Variants in NLRC3 observed in about 807,000 individuals in gnomAD.
The protein encoded by NLRC3 is NLR family CARD domain containing 3.
Under a neutral mutation model 91.6 loss-of-function variants are expected in NLRC3, and 87 were observed. The ratio of observed to expected loss-of-function variants is 0.95; its 90% CI spans 0.80 to 1.14. NLRC3 has a LOEUF of 1.14. Ranked by LOEUF, NLRC3 falls within the 50% of genes most tolerant of loss-of-function variation. NLRC3 has a pLI of 0.00. For synonymous variants in NLRC3, 694 were observed against 625.3 expected (o/e 1.11, Z -1.64); for missense variants, 1,577 against 1,418.6 (o/e 1.11, Z -1.79).
chr16:3,547,624 ATATATGTGTGTG>A (rs2038762774), intron 15 of NLRC3, among the ~76,000 whole-genome samples: 1 of 152,138 alleles, frequency 6.6e-6, no homozygotes, highest in South Asian at 2.1e-4. Context: ...GTATATGTGT[ATATATGTGTGTG>A]TATATGTGTG....
intron 1 of NLRC3, among the ~76,000 whole-genome samples, chr16:3,572,283 G>C (rs1223464488): frequency 6.6e-6 from 1 of 151,796 alleles, no homozygotes; most frequent in Non-Finnish European, 1.5e-5. Flanking sequence ...GCATTGGTGA[G>C]AACATGGAGG....
intron 10 of NLRC3, among the ~76,000 whole-genome samples, chr16:3,551,602 C>CCCATCCAT (rs35701475): frequency 2.7e-5 from 4 of 149,858 alleles, no homozygotes; most frequent in Non-Finnish European, 5.9e-5. Context: ...CACTCATCCA[C>CCCATCCAT]CCATCCATCC....
intron 15 of NLRC3, chr16:3,545,282 C>T (rs2038634195): frequency 6.6e-6 from 1 of 152,044 alleles, no homozygotes; most frequent in African/African-American, 2.4e-5. Context: ...CCCGTCTCCA[C>T]TAAAAATACG....
Position 3,564,027 on chromosome 16 carries a change from C to A in NLRC3, c.910G>T (p.Glu304Ter), listed in dbSNP as rs772184817. Residue 304 changes from glutamate (E) to a stop codon, truncating the protein, a stop_gained, in exon 5 of 20, where the codon GAG becomes TAG. Coordinates refer to ENST00000359128, the MANE Select transcript of NLRC3 (RefSeq NM_178844.4). LOFTEE classifies it high-confidence loss of function. This position sits in a 1 kb window ranked among gnomAD's most constrained non-coding sequence, Gnocchi z 5.9. Reference sequence around the variant, plus strand: ...ATCCAGCCCAGAAGGGCCTGGTCCTCGGGGAACATCTGCTCCAAACACACC... The same window carrying A: ...ATCCAGCCCAGAAGGGCCTGGTCCTAGGGGAACATCTGCTCCAAACACACC... ...IKVCLEQMFP[E>*]DQALLGWMLS... The A allele has an allele frequency of 3.1e-6, 5 of 1,610,786 alleles. No homozygotes were observed. Among genetic ancestry groups the A allele is most frequent in the Non-Finnish European group, 4.2e-6 (5 of 1,179,858 alleles).
chr16:3,543,617 C>G, intron 16 of NLRC3, 109 bp from the exon 17 acceptor site: 1 of 752,518 alleles, frequency 1.3e-6, no homozygotes, highest in Non-Finnish European at 2.3e-6. Context: ...GGAGAAACAG[C>G]ACTGAGAATG....
intron 15 of NLRC3, chr16:3,544,630 C>T (rs774466865): frequency 2.2e-5 from 8 of 358,062 alleles, no homozygotes; most frequent in Middle Eastern, 8.0e-4. Context: ...CACAGCCAAC[C>T]AGAAAATGAA....
intron 11 of NLRC3, 60 bp downstream of exon 11, chr16:3,550,354 G>A: frequency 8.7e-7 from 1 of 1,146,076 alleles, no homozygotes; most frequent in South Asian, 1.2e-5. Context: ...AGGACTGCCG[G>A]CCCACTATCT....
In NLRC3 at chr16:3,549,097, T is replaced by C. The variant is rs552849131; in HGVS notation, c.2603+45A>G. On this transcript the variant is annotated intron_variant, in intron 13 of 19. Transcript: ENST00000359128. ...CAGCCCAGGCTCGGTGTGGGTGTGGTCATGGCATGAACAGCCTGTGGAGTC... is the reference window on the plus strand; with the variant it reads ...CAGCCCAGGCTCGGTGTGGGTGTGGCCATGGCATGAACAGCCTGTGGAGTC... 170 of 1,401,430 alleles carry C rather than the reference T, an allele frequency of 1.2e-4. No individual in the cohort carries two copies. The South Asian group carries it at 2.0e-3, about 17-fold the overall frequency. The allele number at this position is 1,401,430 out of a possible 1,614,324, so 86.8% of individuals were successfully genotyped here.
chr16:3,561,832 G>A (rs930562143), intron 5 of NLRC3, 44 bp from the exon 6 acceptor site: 21 of 1,427,088 alleles, frequency 1.5e-5, no homozygotes, highest in East Asian at 4.6e-5. Flanking sequence ...ACCCGCCCAC[G>A]GGCAGGGTGG....
At chr16:3,559,542 A>T (rs988054599) in intron 6 of NLRC3, among the ~76,000 whole-genome samples, 16 of 152,152 alleles carry the variant, frequency 1.1e-4, no homozygotes, top group African/African-American at 3.9e-4. Flanking sequence ...CAAAACTAAA[A>T]GTTGGCTATT....
chr16:3,543,723 CTG>C, intron 16 of NLRC3: 1 of 571,042 alleles, frequency 1.8e-6, no homozygotes, highest in Non-Finnish European at 3.1e-6. Flanking sequence ...GAAATAGAGG[CTG>C]TCCCTGGAAG....
Position 3,549,704 on chromosome 16 carries a change from TGAG to T in NLRC3, c.2509_2511del (p.Leu837del). On this transcript the variant is annotated inframe_deletion, in exon 12 of 20. Coordinates refer to ENST00000359128, the MANE Select transcript of NLRC3 (RefSeq NM_178844.4). ...AGGGTGGCCAGGACTTACCTGAGGC[TGAG>T]GAGGGTCTGGTTGGTGCAGAGGGCC... is the stretch of plus-strand genomic sequence containing the variant. 6.4e-7 allele frequency: 1 copy of T among 1,550,736 alleles called. No homozygotes were observed. The highest frequency in any genetic ancestry group is 8.7e-7 in the Non-Finnish European group (1 of 1,146,258).
At position 3,577,293 on chromosome 16, in the gene NLRC3, C is replaced by G. The variant is rs1021052226; in HGVS notation, c.-313G>C. On this transcript the variant is annotated 5_prime_UTR_variant, in exon 1 of 20. Coordinates refer to ENST00000359128, the MANE Select transcript of NLRC3 (RefSeq NM_178844.4). ...CTGTGCCAGCCTGAGTTCTCAGGAC[C>G]AGGGATCAGGGCACTTACCACGCCA... The G allele has an allele frequency of 1.6e-5, 11 of 680,180 alleles. No homozygotes were observed. Among genetic ancestry groups the G allele is most frequent in the Non-Finnish European group, 2.7e-5 (10 of 373,080 alleles). The allele number at this position is 680,180 out of a possible 1,614,324, so 42.1% of individuals were successfully genotyped here. A position where few individuals can be genotyped will look rare whatever the true frequency, so the allele number is the denominator to read the frequency against.
rs748849799 is a variant in NLRC3, at chr16:3,552,223, T to G, written c.2324A>C (p.Lys775Thr). 7 of 1,612,896 alleles carry G rather than the reference T, an allele frequency of 4.3e-6. No individual in the cohort carries two copies. In the East Asian group the frequency reaches 1.6e-4, roughly 36 times the overall value. The change falls in exon 10 of 20, where the codon AAG becomes ACG. Residue 775 changes from lysine (K) to threonine (T), a missense_variant. Transcript: ENST00000359128. ...GAGCTCTTTCAGACTCCTGTTCTGC[T>G]TCAAGGCATCTGCCATCCGCTGGGC... ...MGAQRMADALKQNRSLKELMF... is the reference protein window; with the variant it reads ...MGAQRMADALTQNRSLKELMF...
chr16:3,541,821 A>C lies in NLRC3; in HGVS notation c.*4T>G. On this transcript the variant is annotated 3_prime_UTR_variant, in exon 20 of 20. Transcript: ENST00000359128. ...TGCCCATTCTCCTGATCCGTCCACC[A>C]GGATCACATTTCAACAGTGCACGTG... 1 of 1,591,464 alleles carries C rather than the reference A, an allele frequency of 6.3e-7. No individual in the cohort carries two copies. The highest frequency in any genetic ancestry group is 1.1e-5 in the South Asian group (1 of 90,086).
At position 3,549,204 on chromosome 16, in the gene NLRC3, A is replaced by T; in HGVS notation, c.2541T>A (p.Ser847Arg). 6.3e-7 allele frequency: 1 copy of T among 1,586,302 alleles called. No individual in the cohort carries two copies. Among genetic ancestry groups the T allele is most frequent in the Non-Finnish European group, 8.6e-7 (1 of 1,166,090 alleles). The change falls in exon 13 of 20, where the codon AGT becomes AGA. Residue 847 changes from serine to arginine, a missense_variant. Coordinates refer to ENST00000359128, the MANE Select transcript of NLRC3 (RefSeq NM_178844.4). ...LSLSLRENSISPEGAQAIAHA... is the reference protein window; with the variant it reads ...LSLSLRENSIRPEGAQAIAHA... ...GAGCGATGGCCTGGGCTCCCTCGGG[A>T]CTGATGGAGTTTTCTCGAAGGCTGA... is the stretch of plus-strand genomic sequence containing the variant.
At chr16:3,561,381 T>A (rs2039603738) in intron 6 of NLRC3, among the ~76,000 whole-genome samples, 1 of 152,198 alleles carries the variant, frequency 6.6e-6, no homozygotes, top group South Asian at 2.1e-4. Flanking sequence ...AGAATGCTGT[T>A]GGACAGCAAA....
At chr16:3,576,247 C>G (rs1446019887) in intron 1 of NLRC3, among the ~76,000 whole-genome samples, 1 of 152,198 alleles carries the variant, frequency 6.6e-6, no homozygotes, top group East Asian at 1.9e-4. Flanking sequence ...CCAGGCTGGC[C>G]CAGGGCAGTG....
At position 3,556,956 on chromosome 16, in the gene NLRC3, G is replaced by T. The variant is rs768816607; in HGVS notation, c.2138C>A (p.Ala713Glu). The T allele has an allele frequency of 6.8e-6, 11 of 1,613,666 alleles. No homozygotes were observed. Among genetic ancestry groups the T allele is most frequent in the Non-Finnish European group, 9.3e-6 (11 of 1,179,758 alleles). ...GNSIGPQGAKALADALKINRT... is the reference protein window; with the variant it reads ...GNSIGPQGAKELADALKINRT... ...GTTGATCTTCAAAGCGTCTGCCAGC[G>T]CCTTGGCCCCTTGTGGTCCAATGGA... is the stretch of plus-strand genomic sequence containing the variant. Residue 713 changes from alanine to glutamate, a missense_variant, in exon 8 of 20, where the codon GCG (alanine) becomes GAG (glutamate). Physicochemically the swap from Ala to Glu is moderately radical, Grantham distance 107. Transcript: ENST00000359128.
Sources: allele counts gnomAD v4.1 joint callset (sites outside exome capture counted in the v4.1 genomes callset), GRCh38; gene constraint gnomAD v4.1.1; non-coding constraint Gnocchi (gnomAD v3.1); transcripts MANE v1.5; gene names NCBI Gene and HGNC (gene_info 2026-07-23, HGNC 2026-07-21).